The following ANKS1B variants were observed in gnomAD, a reference collection of about 807,000 sequenced individuals.
ANKS1B encodes ankyrin repeat and sterile alpha motif domain containing 1B.
ANKS1B carries 36 observed loss-of-function variants against 148.3 expected under a neutral mutation model. The observed-to-expected ratio is 0.24, with a 90% CI of 0.19 to 0.32. ANKS1B has a LOEUF of 0.32. Ranked by LOEUF, ANKS1B falls within the 10% of genes least tolerant of loss-of-function variation. ANKS1B has a pLI of 1.00. For missense variants in ANKS1B, 1,157 were observed against 1,542.6 expected (o/e 0.75, Z 4.19); for synonymous variants, 542 against 560.8 (o/e 0.97, Z 0.47).
chr12:99,596,184 A>G (rs2097757061), intron 9 of ANKS1B, among the ~76,000 whole-genome samples: 1 of 151,858 alleles, frequency 6.6e-6, no homozygotes, highest in Non-Finnish European at 1.5e-5. Context: ...AAAATTTCCT[A>G]TCTCAGTTTT....
At chr12:99,455,890 C>T (rs1179554319) in intron 10 of ANKS1B, among the ~76,000 whole-genome samples, 3 of 152,148 alleles carry the variant, frequency 2.0e-5, no homozygotes, top group Admixed American at 6.5e-5. Flanking sequence ...GCCCCACCCA[C>T]GGCCTGATCC....
chr12:99,144,521 T>C (rs1300188915), intron 15 of ANKS1B, among the ~76,000 whole-genome samples: 1 of 152,056 alleles, frequency 6.6e-6, no homozygotes, highest in Non-Finnish European at 1.5e-5. Context: ...ATGATCATTA[T>C]GGACTGTGCT....
Position 99,246,852 on chromosome 12 carries a change from CG to C in ANKS1B, c.1768del (p.Arg590AspfsTer64). ...EGTNHTDDLS[R>X]QDDNDPPKEY... ...TTTTGGGGGATCATTGTCATCCTGT[CG>C]GGAGAGGTCATCTGCAAAAGGAAGG... On this transcript the variant is annotated frameshift_variant, in exon 13 of 27. Transcript: ENST00000683438. LOFTEE classifies it high-confidence loss of function. 1 of 1,582,876 alleles carries C rather than the reference CG, an allele frequency of 6.3e-7. No individual in the cohort carries two copies. The highest frequency in any genetic ancestry group is 8.5e-7 in the Non-Finnish European group (1 of 1,171,150).
At chr12:99,808,605 T>C (rs2067935690) in intron 3 of ANKS1B, among the ~76,000 whole-genome samples, 1 of 152,136 alleles carries the variant, frequency 6.6e-6, no homozygotes, top group Non-Finnish European at 1.5e-5. Context: ...CATACAGGTT[T>C]AGACTCCCTG....
At chr12:99,355,771 A>G (rs2091915958) in intron 12 of ANKS1B, among the ~76,000 whole-genome samples, 1 of 152,116 alleles carries the variant, frequency 6.6e-6, no homozygotes, top group Non-Finnish European at 1.5e-5. Flanking sequence ...TACCCAGCTT[A>G]CACCATGTAC....
intron 14 of ANKS1B, among the ~76,000 whole-genome samples, chr12:99,239,489 C>T (rs893567601): frequency 2.6e-5 from 4 of 152,180 alleles, no homozygotes; most frequent in Non-Finnish European, 4.4e-5. Context: ...TTAGAAAACA[C>T]TCTTCAGGAT....
At chr12:99,481,396 T>C (rs1290696653) in intron 10 of ANKS1B, among the ~76,000 whole-genome samples, 1 of 151,944 alleles carries the variant, frequency 6.6e-6, no homozygotes, top group Non-Finnish European at 1.5e-5. Context: ...CCATGGCATA[T>C]ATATACTACA....
chr12:99,391,838 A>T (rs533177347), intron 12 of ANKS1B, among the ~76,000 whole-genome samples: 1 of 152,362 alleles, frequency 6.6e-6, no homozygotes, highest in South Asian at 2.1e-4. Context: ...GTGACACCAC[A>T]GGAAAACAGG....
At chr12:99,194,830 C>T (rs530999028) in intron 14 of ANKS1B, among the ~76,000 whole-genome samples, 1 of 151,928 alleles carries the variant, frequency 6.6e-6, no homozygotes, top group South Asian at 2.1e-4. Flanking sequence ...TCAAAATAAT[C>T]CTGTGTGTAT....
chr12:99,481,609 C>A (rs910023648), intron 10 of ANKS1B, among the ~76,000 whole-genome samples: 2 of 151,820 alleles, frequency 1.3e-5, no homozygotes, highest in Non-Finnish European at 2.9e-5. Context: ...CTTTAAGGAA[C>A]CTCCATACTG....
At position 98,777,910 on chromosome 12, in the gene ANKS1B, T is replaced by C. The variant is rs562423486; in HGVS notation, c.3441+3207A>G. Among the ~76,000 whole-genome samples the C allele has an allele frequency of 2.0e-5, 3 of 152,350 alleles. No homozygotes were observed. The East Asian group carries it at 5.8e-4, about 29-fold the overall frequency. On this transcript the variant is annotated intron_variant, in intron 24 of 26. Coordinates refer to ENST00000683438, the MANE Select transcript of ANKS1B (RefSeq NM_001352186.2). ...TAACACACAATGAATTATCACACAA[T>C]GAATTAGTTTGCACTTCAAACTAAT...
intron 14 of ANKS1B, among the ~76,000 whole-genome samples, chr12:99,187,392 G>A (rs568639200): frequency 3.3e-5 from 5 of 152,178 alleles, no homozygotes; most frequent in South Asian, 4.1e-4. Flanking sequence ...ATAATTGTCC[G>A]ATTCACCAAG....
At position 99,599,371 on chromosome 12, in the gene ANKS1B, G is replaced by T. The variant is rs190398839; in HGVS notation, c.1272+55696C>A. Among the ~76,000 whole-genome samples the T allele has an allele frequency of 5.9e-5, 9 of 152,116 alleles. No individual in the cohort carries two copies. The East Asian group carries it at 1.7e-3, about 29-fold the overall frequency. On this transcript the variant is annotated intron_variant, in intron 9 of 26. Transcript: ENST00000683438. ...GGTAAAATAGAAGAAACTAAAAGAG[G>T]CTAGCAGGTCAGCAGGGACCAGATG...
chr12:99,212,776 A>G (rs2083524028), intron 14 of ANKS1B, among the ~76,000 whole-genome samples: 1 of 152,170 alleles, frequency 6.6e-6, no homozygotes, highest in Admixed American at 6.5e-5. Context: ...GGACTTGTAT[A>G]CCTTGAGACT....
chr12:99,928,856 ATC>A (rs2094541540), intron 1 of ANKS1B, among the ~76,000 whole-genome samples: 1 of 152,154 alleles, frequency 6.6e-6, no homozygotes, highest in African/African-American at 2.4e-5. Context: ...ACGAAAGGGA[ATC>A]AGATAATCCT....
At chr12:99,669,497 A>G (rs1287264728) in intron 8 of ANKS1B, among the ~76,000 whole-genome samples, 3 of 152,202 alleles carry the variant, frequency 2.0e-5, no homozygotes, top group East Asian at 3.9e-4. Flanking sequence ...CCCCACTGTT[A>G]AGACTTACGT....
intron 1 of ANKS1B, among the ~76,000 whole-genome samples, chr12:99,982,423 G>A (rs2095715945): frequency 6.6e-6 from 1 of 151,416 alleles, no homozygotes; most frequent in Admixed American, 6.6e-5. Flanking sequence ...TTTAAAATAC[G>A]ATTTATCACA....
At chr12:99,954,561 T>C (rs1465082295) in intron 1 of ANKS1B, among the ~76,000 whole-genome samples, 1 of 152,234 alleles carries the variant, frequency 6.6e-6, no homozygotes, top group Non-Finnish European at 1.5e-5. Context: ...CTGATTCCTT[T>C]TGGAATTTAT....
intron 12 of ANKS1B, among the ~76,000 whole-genome samples, chr12:99,247,536 G>C (rs1019510089): frequency 6.6e-6 from 1 of 152,088 alleles, no homozygotes; most frequent in Non-Finnish European, 1.5e-5. Flanking sequence ...GAACACAAAG[G>C]TAGCTTTTTC....
Sources: gnomAD v4.1 joint callset for allele counts (sites outside exome capture counted in the v4.1 genomes callset) on GRCh38, gnomAD v4.1.1 for gene constraint, MANE v1.5 for transcripts, NCBI Gene and HGNC (gene_info 2026-07-23, HGNC 2026-07-21) for gene names.